SREBF1: variants seen among roughly 807,000 people sequenced by gnomAD.
SREBF1 encodes the protein sterol regulatory element-binding protein 1.
Under a neutral mutation model 100.1 loss-of-function variants are expected in SREBF1, and 45 were observed. The ratio of observed to expected loss-of-function variants is 0.45; its 90% CI spans 0.35 to 0.58. SREBF1 has a LOEUF of 0.58. SREBF1 is among the 20% of genes least tolerant of loss of function. The probability of loss-of-function intolerance (pLI) is 0.00; values close to 1 mark genes in which losing one functional copy is unlikely to be tolerated. For synonymous variants in SREBF1, 657 were observed against 681.8 expected (o/e 0.96, Z 0.57); for missense variants, 1,324 against 1,539.4 (o/e 0.86, Z 2.34).
At position 17,815,863 on chromosome 17, in the gene SREBF1, G is replaced by A; in HGVS notation, c.2380C>T (p.Pro794Ser). Reference sequence around the variant, plus strand: ...CAGGGAAGGGGTAAGAGAGCACCTGGGTTCCCGGCCAAGCTGTACAGGCTC... The same window carrying A: ...CAGGGAAGGGGTAAGAGAGCACCTGAGTTCCCGGCCAAGCTGTACAGGCTC... Reference protein sequence around the residue: ...WESLYSLAGNPVDPLAQVTQL... With the variant: ...WESLYSLAGNSVDPLAQVTQL... Residue 794 changes from proline to serine, a missense_variant, in exon 12 of 19, where the codon CCA becomes TCA. Physicochemically the swap from Pro to Ser is moderately conservative, Grantham distance 74 (BLOSUM62 -1). Transcript: ENST00000261646. 2 of 1,612,438 alleles carry A rather than the reference G, an allele frequency of 1.2e-6. No individual in the cohort carries two copies. Among genetic ancestry groups the A allele is most frequent in the South Asian group, 2.2e-5 (2 of 91,008 alleles).
intron 15 of SREBF1, 94 bp downstream of exon 15, chr17:17,814,521 C>T: frequency 6.5e-7 from 1 of 1,535,878 alleles, no homozygotes; most frequent in South Asian, 1.2e-5. Flanking sequence ...GGTGACTCCT[C>T]CTGCACAGAA....
intron 1 of SREBF1, among the ~76,000 whole-genome samples, chr17:17,831,408 C>T (rs949262845): frequency 1.3e-5 from 2 of 152,048 alleles, no homozygotes; most frequent in Admixed American, 1.3e-4. Flanking sequence ...ACTCTGAGAA[C>T]GCACTGCTCG....
At position 17,812,544 on chromosome 17, in the gene SREBF1, A is replaced by T; in HGVS notation, c.*78T>A. On this transcript the variant is annotated 3_prime_UTR_variant, in exon 19 of 19. Transcript: ENST00000261646. ...GTCTCTTGCACTGCCTTCGGCCTTC[A>T]AAGCTTCGACGCAGGACAGAAGCTG... The T allele has an allele frequency of 6.9e-7, 1 of 1,449,228 alleles. No individual in the cohort carries two copies. The highest frequency in any genetic ancestry group is 9.4e-7 in the Non-Finnish European group (1 of 1,061,882). 89.8% of individuals were successfully genotyped at this position (1,449,228 alleles called of 1,614,324 possible).
rs1410469750 is a variant in SREBF1 at position 17,812,477 on chromosome 17, C to G, written c.*145G>C. 1 of 860,046 alleles carries G rather than the reference C, an allele frequency of 1.2e-6. No individual in the cohort carries two copies. Among genetic ancestry groups the G allele is most frequent in the African/African-American group, 1.7e-5 (1 of 58,086 alleles). The allele number at this position is 860,046 out of a possible 1,614,324, so 53.3% of individuals were successfully genotyped here. On this transcript the variant is annotated 3_prime_UTR_variant, in exon 19 of 19. Coordinates refer to ENST00000261646, the MANE Select transcript of SREBF1 (RefSeq NM_004176.5). ...ATCGCGCCCCTCGGGCCTTCCACCGCGAAGGCACACAGCAGCCGCAGGTCG... is the reference window on the plus strand; with the variant it reads ...ATCGCGCCCCTCGGGCCTTCCACCGGGAAGGCACACAGCAGCCGCAGGTCG...
Position 17,818,253 on chromosome 17 carries a change from G to A in SREBF1, c.1183+7C>T, listed in dbSNP as rs759936388. 3 of 1,611,210 alleles carry A rather than the reference G, an allele frequency of 1.9e-6. No individual in the cohort carries two copies. The highest frequency in any genetic ancestry group is 2.2e-5 in the South Asian group (2 of 91,014). Reference sequence around the variant, plus strand: ...CCAGACTGGAGCTCAATAAAGCCAGGACTCACTGCTTTTGTGGACAGCAGT... The same window carrying A: ...CCAGACTGGAGCTCAATAAAGCCAGAACTCACTGCTTTTGTGGACAGCAGT... On this transcript the variant is annotated splice_region_variant and intron_variant, in intron 6 of 18. Coordinates refer to ENST00000261646, the MANE Select transcript of SREBF1 (RefSeq NM_004176.5).
At chr17:17,818,887 G>A (rs1198323034) in intron 5 of SREBF1, 126 bp downstream of exon 5, 4 of 1,134,746 alleles carry the variant, frequency 3.5e-6, no homozygotes, top group Admixed American at 3.5e-5. Context: ...GCCAGGCCTG[G>A]GGAGGCTGAA....
At chr17:17,829,436 C>T (rs2030745553) in intron 1 of SREBF1, among the ~76,000 whole-genome samples, 1 of 151,934 alleles carries the variant, frequency 6.6e-6, no homozygotes, top group Non-Finnish European at 1.5e-5. Context: ...TTCCTTCTAG[C>T]ATCACCGGCA....
chr17:17,811,373 C>T lies in SREBF1; in HGVS notation c.*1249G>A. 4.4e-6 allele frequency: 1 copy of T among 225,502 alleles called. No homozygotes were observed. Among genetic ancestry groups the T allele is most frequent in the Non-Finnish European group, 8.8e-6 (1 of 114,252 alleles). 14.0% of individuals were successfully genotyped at this position (225,502 alleles called of 1,614,324 possible). Reference sequence around the variant, plus strand: ...CTGTTTCTAAAAGATGTTTATTTTCCTTAAGAGTAAAAAACAGTCATTGCA... The same window carrying T: ...CTGTTTCTAAAAGATGTTTATTTTCTTTAAGAGTAAAAAACAGTCATTGCA... On this transcript the variant is annotated 3_prime_UTR_variant, in exon 19 of 19. Coordinates refer to ENST00000261646, the MANE Select transcript of SREBF1 (RefSeq NM_004176.5).
Position 17,816,189 on chromosome 17 carries a change from G to GGC in SREBF1, c.2214+17_2214+18insGC. On this transcript the variant is annotated intron_variant, in intron 11 of 18. Coordinates refer to ENST00000261646, the MANE Select transcript of SREBF1 (RefSeq NM_004176.5). ...AGAGAGCTGCAGGGATAAGCCCCCA[G>GGC]CCCCCCAACCCACTCACTGTCAGAA... 1.4e-6 allele frequency: 1 copy of GGC among 709,198 alleles called. No homozygotes were observed. Among genetic ancestry groups the GGC allele is most frequent in the South Asian group, 2.3e-5 (1 of 43,874 alleles). The allele number at this position is 709,198 out of a possible 1,614,324, so 43.9% of individuals were successfully genotyped here. A position where few individuals can be genotyped will look rare whatever the true frequency, so the allele number is the denominator to read the frequency against.
chr17:17,812,743 C>T lies in SREBF1; in HGVS notation c.3323G>A (p.Arg1108His), dbSNP rs902171805. Residue 1108 changes from arginine to histidine, a missense_variant, in exon 19 of 19, where the codon CGC becomes CAC. Transcript: ENST00000261646. ...CGCCGCCTCAGCCAGCATGCCCACG[C>T]GCTGCCCGGGCGCCGACAGGAAGCC... ...PPGFLSAPGQRVGMLAEAART... is the reference protein window; with the variant it reads ...PPGFLSAPGQHVGMLAEAART... 1.9e-6 allele frequency: 3 copies of T among 1,558,576 alleles called. No homozygotes were observed. The highest frequency in any genetic ancestry group is 1.4e-5 in the African/African-American group (1 of 73,564).
At chr17:17,833,450 A>AAAT (rs1567995797) in intron 1 of SREBF1, among the ~76,000 whole-genome samples, 9 of 47,526 alleles carry the variant, frequency 1.9e-4, no homozygotes, top group African/African-American at 4.6e-4. Flanking sequence ...AAAAAAAAAA[A>AAAT]ATATATATAT....
intron 1 of SREBF1, among the ~76,000 whole-genome samples, chr17:17,835,545 T>C (rs762685479): frequency 6.6e-6 from 1 of 152,248 alleles, no homozygotes; most frequent in Non-Finnish European, 1.5e-5. Flanking sequence ...ACGGGTTCCA[T>C]GGACATGTCC....
chr17:17,820,716 G>C (rs1441861203), intron 1 of SREBF1, 195 bp from the exon 2 acceptor site: 2 of 668,392 alleles, frequency 3.0e-6, no homozygotes, highest in Non-Finnish European at 5.4e-6. Context: ...GCGAGCACCT[G>C]TGCTGTCTAA....
chr17:17,821,152 T>TACACACACATACACAC (rs2034073446), intron 1 of SREBF1, among the ~76,000 whole-genome samples: 1 of 149,382 alleles, frequency 6.7e-6, no homozygotes, highest in Admixed American at 6.7e-5. Context: ...TCCACACACA[T>TACACACACATACACAC]ACACACACAC....
At position 17,812,856 on chromosome 17, in the gene SREBF1, G is replaced by C. The variant is rs996298564; in HGVS notation, c.3215-5C>G. On this transcript the variant is annotated splice_region_variant and splice_polypyrimidine_tract_variant and intron_variant, in intron 18 of 18. Coordinates refer to ENST00000261646, the MANE Select transcript of SREBF1 (RefSeq NM_004176.5). ...GCTCCAGCTCCGCCACCGCGCCTGC[G>C]CACACGAGGATGTGTCAGGGATGGG... 17 of 1,473,376 alleles carry C rather than the reference G, an allele frequency of 1.2e-5. No homozygotes were observed. Among genetic ancestry groups the C allele is most frequent in the Admixed American group, 7.7e-5 (3 of 38,726 alleles). 91.3% of individuals were successfully genotyped at this position (1,473,376 alleles called of 1,614,324 possible).
chr17:17,835,707 T>C (rs2035180918), intron 1 of SREBF1, among the ~76,000 whole-genome samples: 1 of 152,232 alleles, frequency 6.6e-6, no homozygotes, highest in Non-Finnish European at 1.5e-5. Context: ...ATCTACAAAA[T>C]GGAAGCAACG....
Position 17,817,255 on chromosome 17 carries a change from C to T in SREBF1, c.1606+1G>A. ...AAGATGCCCAGGCTGGCCGGTCCCA[C>T]CTCTGCTCTCGGTGCCCAGCACGTT... On this transcript the variant is annotated splice_donor_variant, in intron 8 of 18. Transcript: ENST00000261646. LOFTEE classifies it high-confidence loss of function. This position sits in a 1 kb window ranked among gnomAD's most constrained non-coding sequence, Gnocchi z 6.6. The T allele has an allele frequency of 6.2e-7, 1 of 1,608,340 alleles. No individual in the cohort carries two copies. The highest frequency in any genetic ancestry group is 8.5e-7 in the Non-Finnish European group (1 of 1,177,936).
intron 12 of SREBF1, 26 bp downstream of exon 12, chr17:17,815,834 G>C: frequency 6.2e-7 from 1 of 1,605,484 alleles, no homozygotes; most frequent in Non-Finnish European, 8.5e-7. Context: ...GACAGGAGAG[G>C]GGACAGGGAA....
At position 17,812,654 on chromosome 17, in the gene SREBF1, G is replaced by A. The variant is rs761326412; in HGVS notation, c.3412C>T (p.Leu1138=). ...GAAGTGACAGTGGTCCCACCGCCCA[G>A]GCGCATGAGCATCTGCTGACAGTCG... ...LHDCQQMLMR[L]GGGTTVTSS The change falls in exon 19 of 19, where the codon CTG becomes TTG. Residue 1138 remains leucine (L), a synonymous_variant. Coordinates refer to ENST00000261646, the MANE Select transcript of SREBF1 (RefSeq NM_004176.5). 41 of 1,608,262 alleles carry A rather than the reference G, an allele frequency of 2.5e-5. No individual in the cohort carries two copies. The highest frequency in any genetic ancestry group is 3.4e-5 in the Non-Finnish European group (40 of 1,177,720).
Sources: allele counts gnomAD v4.1 joint callset (sites outside exome capture counted in the v4.1 genomes callset), GRCh38; gene constraint gnomAD v4.1.1; non-coding constraint Gnocchi (gnomAD v3.1); transcripts MANE v1.5; gene names NCBI Gene and HGNC (gene_info 2026-07-23, HGNC 2026-07-21).